The following BTG3 variants were observed in gnomAD, a reference collection of about 807,000 sequenced individuals.
BTG3 encodes BTG anti-proliferation factor 3.
In BTG3, 4 loss-of-function variants were observed where a neutral mutation model predicts 25.8. The observed-to-expected ratio is 0.16, with a 90% CI of 0.08 to 0.36. BTG3 has a LOEUF of 0.36. Among genes scored for constraint, BTG3 ranks in the 10% least tolerant of loss-of-function variants. The pLI is 1.00. For synonymous variants in BTG3, 107 were observed against 99.9 expected, an observed-to-expected ratio of 1.07 and a Z score of -0.42; for missense variants, 201 against 304.9, an observed-to-expected ratio of 0.66 and a Z score of 2.54.
At chr21:17,604,581 C>T (rs936086377) in intron 3 of BTG3, among the ~76,000 whole-genome samples, 2 of 152,156 alleles carry the variant, frequency 1.3e-5, no homozygotes, top group Non-Finnish European at 2.9e-5. Flanking sequence ...AGACACCTAG[C>T]GGAATCTAGG....
chr21:17,606,292 G>T (rs1019616875), intron 2 of BTG3, among the ~76,000 whole-genome samples: 1 of 152,012 alleles, frequency 6.6e-6, no homozygotes, highest in African/African-American at 2.4e-5. Context: ...TGGATCTAGG[G>T]TTCAAATCCA....
chr21:17,601,890 T>C (rs1254768136), intron 3 of BTG3, among the ~76,000 whole-genome samples: 1 of 152,242 alleles, frequency 6.6e-6, no homozygotes, highest in African/African-American at 2.4e-5. Flanking sequence ...CAGATTTCTT[T>C]GACACCTAGT....
At chr21:17,605,933 G>C (rs1041982977) in intron 2 of BTG3, among the ~76,000 whole-genome samples, 2 of 152,066 alleles carry the variant, frequency 1.3e-5, no homozygotes, top group Non-Finnish European at 2.9e-5. Flanking sequence ...GGAAATACAA[G>C]TTAATTGATG....
intron 2 of BTG3, among the ~76,000 whole-genome samples, chr21:17,605,300 G>A (rs1436002234): frequency 6.6e-6 from 1 of 152,094 alleles, no homozygotes. Context: ...AAAGTTGCAC[G>A]AAATTTTAGA....
At chr21:17,610,160 C>T (rs932801462) in intron 1 of BTG3, among the ~76,000 whole-genome samples, 4 of 152,040 alleles carry the variant, frequency 2.6e-5, no homozygotes, top group Admixed American at 6.6e-5. Flanking sequence ...TAGTGGCCTA[C>T]GGGGAAGTGG....
At chr21:17,607,977 T>G (rs1265530425) in intron 2 of BTG3, among the ~76,000 whole-genome samples, 1 of 152,222 alleles carries the variant, frequency 6.6e-6, no homozygotes, top group Non-Finnish European at 1.5e-5. Context: ...CAGCTCCAAG[T>G]GAGAATTACC....
At chr21:17,605,321 TA>T (rs2061625203) in intron 2 of BTG3, among the ~76,000 whole-genome samples, 1 of 152,098 alleles carries the variant, frequency 6.6e-6, no homozygotes, top group Admixed American at 6.5e-5. Context: ...ACTCTGAAGG[TA>T]AAAGTTTCTA....
intron 3 of BTG3, among the ~76,000 whole-genome samples, chr21:17,600,078 A>AT (rs148333955): frequency 0.038 from 5,735 of 152,216 alleles, 325 homozygotes; most frequent in African/African-American, 0.13. Context: ...CTTCCAAAAC[A>AT]TTTTTGAAGA....
chr21:17,608,871 T>C, intron 2 of BTG3, 101 bp downstream of exon 2: 1 of 1,161,414 alleles, frequency 8.6e-7, no homozygotes. Context: ...ATTTTGCAGA[T>C]GAAACACCTG....
chr21:17,606,944 C>A (rs755412264), intron 2 of BTG3, among the ~76,000 whole-genome samples: 1 of 152,110 alleles, frequency 6.6e-6, no homozygotes, highest in Non-Finnish European at 1.5e-5. Context: ...TGCCAAATTG[C>A]TCTCTACAAG....
At position 17,596,023 on chromosome 21, in the gene BTG3, T is replaced by C. The variant is rs545177740; in HGVS notation, c.520-1691A>G. ...TAATCTGCATTCCTCTGATCATAAATGAGGCCATTCACATAACTCCTTTTG... is the reference window on the plus strand; with the variant it reads ...TAATCTGCATTCCTCTGATCATAAACGAGGCCATTCACATAACTCCTTTTG... On this transcript the variant is annotated intron_variant, in intron 4 of 4. Transcript: ENST00000348354. 5.3e-5 allele frequency among the ~76,000 whole-genome samples: 8 copies of C among 152,182 alleles called. 2 individuals carry two copies. In the South Asian group the frequency reaches 1.7e-3, roughly 32 times the overall value.
chr21:17,609,269 T>C, intron 1 of BTG3, 117 bp from the exon 2 acceptor site: 1 of 1,009,602 alleles, frequency 9.9e-7, no homozygotes, highest in Non-Finnish European at 1.4e-6. Context: ...TTTTATCTTG[T>C]ATTTCTTTGG....
At chr21:17,607,432 CTT>C (rs1365833235) in intron 2 of BTG3, among the ~76,000 whole-genome samples, 2 of 152,102 alleles carry the variant, frequency 1.3e-5, no homozygotes, top group Non-Finnish European at 2.9e-5. Flanking sequence ...TAAAAAATGA[CTT>C]GAGCCTGTGT....
In BTG3 at chr21:17,604,132, C is replaced by G; in HGVS notation, c.311+728G>C. 2.3e-6 allele frequency: 3 copies of G among 1,285,836 alleles called. No homozygotes were observed. In the South Asian group the frequency reaches 3.8e-5, roughly 16 times the overall value. The allele number at this position is 1,285,836 out of a possible 1,614,324, so 79.7% of individuals were successfully genotyped here. A position where few individuals can be genotyped will look rare whatever the true frequency, so the allele number is the denominator to read the frequency against. On this transcript the variant is annotated intron_variant, in intron 3 of 4. Coordinates refer to ENST00000348354, the MANE Select transcript of BTG3 (RefSeq NM_006806.5). The stretch of plus-strand genomic sequence containing the variant: ...ATAAAAATAAAACCACGAAGTATCA[C>G]TCAGTCACTTACATAATCAAAAAGG...
In BTG3 at chr21:17,610,840, A is replaced by T. The variant is rs943423475; in HGVS notation, c.-8-1688T>A. On this transcript the variant is annotated intron_variant, in intron 1 of 4. Transcript: ENST00000348354. Reference sequence around the variant, plus strand: ...AGCTGATTGTTAGCTTTCTTTTCTCAAACTGCTCTTTCAGTCTCTCTTCAG... The same window carrying T: ...AGCTGATTGTTAGCTTTCTTTTCTCTAACTGCTCTTTCAGTCTCTCTTCAG... 6.6e-5 allele frequency among the ~76,000 whole-genome samples: 10 copies of T among 152,252 alleles called. 1 individual carries two copies. The highest frequency in any genetic ancestry group is 2.0e-4 in the Admixed American group (3 of 15,284).
At chr21:17,596,583 G>T (rs535772208) in intron 4 of BTG3, among the ~76,000 whole-genome samples, 1 of 151,952 alleles carries the variant, frequency 6.6e-6, no homozygotes, top group East Asian at 1.9e-4. Flanking sequence ...TTAAAAGGGA[G>T]AAAAAAGACT....
At chr21:17,609,643 T>C (rs2061691970) in intron 1 of BTG3, among the ~76,000 whole-genome samples, 1 of 152,256 alleles carries the variant, frequency 6.6e-6, no homozygotes. Flanking sequence ...AGTTATCATA[T>C]GACACGGCCA....
chr21:17,606,394 A>G (rs1222841298), intron 2 of BTG3, among the ~76,000 whole-genome samples: 1 of 152,172 alleles, frequency 6.6e-6, no homozygotes, highest in East Asian at 1.9e-4. Context: ...AATATAACAA[A>G]GGCAAAGTGA....
intron 2 of BTG3, 117 bp downstream of exon 2, chr21:17,608,855 T>A: frequency 1.0e-6 from 1 of 981,450 alleles, no homozygotes; most frequent in Non-Finnish European, 1.5e-6. Flanking sequence ...CACCCCAGAG[T>A]TCTATATTTT....
Sources: allele counts gnomAD v4.1 joint callset (sites outside exome capture counted in the v4.1 genomes callset), GRCh38; gene constraint gnomAD v4.1.1; transcripts MANE v1.5; gene names NCBI Gene and HGNC (gene_info 2026-07-23, HGNC 2026-07-21).